The following CAPN7 variants were observed in gnomAD, a reference collection of about 807,000 sequenced individuals.
CAPN7 encodes the protein calpain-7.
CAPN7 carries 72 observed loss-of-function variants against 115.2 expected under a neutral mutation model. The ratio of observed to expected loss-of-function variants is 0.63; its 90% confidence interval spans 0.52 to 0.76. The LOEUF (loss-of-function observed/expected upper bound fraction) is 0.76. Ranked by LOEUF, CAPN7 falls within the 30% of genes least tolerant of loss-of-function variation. The pLI is 0.00. For synonymous variants in CAPN7, 344 were observed against 322.3 expected, an observed-to-expected ratio of 1.07 and a Z score of -0.72; for missense variants, 905 against 971.5, an observed-to-expected ratio of 0.93 and a Z score of 0.91.
At chr3:15,250,413 A>C (rs1433079509) in intron 19 of CAPN7, among the ~76,000 whole-genome samples, 1 of 152,098 alleles carries the variant, frequency 6.6e-6, no homozygotes, top group Non-Finnish European at 1.5e-5. Context: ...TCACACCTGT[A>C]ATCCCAGCAC....
chr3:15,247,550 T>A, intron 19 of CAPN7, 93 bp downstream of exon 19: 1 of 954,156 alleles, frequency 1.0e-6, no homozygotes, highest in Non-Finnish European at 1.5e-6. Flanking sequence ...TAAGCATATA[T>A]GGACATTGGA....
At chr3:15,250,382 AAAG>A (rs1695935035) in intron 19 of CAPN7, among the ~76,000 whole-genome samples, 2 of 151,248 alleles carry the variant, frequency 1.3e-5, no homozygotes, top group Admixed American at 6.6e-5. Flanking sequence ...CAAAAATAAA[AAAG>A]AGGTCGGGCG....
At chr3:15,249,321 C>T (rs1369403026) in intron 19 of CAPN7, among the ~76,000 whole-genome samples, 2 of 149,984 alleles carry the variant, frequency 1.3e-5, no homozygotes, top group Non-Finnish European at 2.9e-5. Flanking sequence ...ATAGAGTTGT[C>T]ATTTTTTTTA....
chr3:15,217,405 TA>T lies in CAPN7; in HGVS notation c.212-19del. ...GTATTTAGATAATACTCCTTCTGCG[TA>T]TTTTTTTTTCTATCCTAGTTCAGTC... On this transcript the variant is annotated intron_variant, in intron 2 of 20. Coordinates refer to ENST00000253693, the MANE Select transcript of CAPN7 (RefSeq NM_014296.3). The T allele has an allele frequency of 6.4e-7, 1 of 1,574,122 alleles. No homozygotes were observed.
intron 2 of CAPN7, among the ~76,000 whole-genome samples, chr3:15,214,730 TA>T (rs1191344054): frequency 6.6e-6 from 1 of 152,020 alleles, no homozygotes; most frequent in Admixed American, 6.6e-5. Flanking sequence ...AAATAAAAAG[TA>T]AAATTAACCG....
chr3:15,228,091 G>A (rs1457609997), intron 7 of CAPN7, 126 bp downstream of exon 7: 2 of 580,442 alleles, frequency 3.4e-6, no homozygotes, highest in Non-Finnish European at 5.3e-6. Context: ...TGGAAAAATT[G>A]TTCATTCTAC....
chr3:15,220,912 C>T lies in CAPN7; in HGVS notation c.569C>T (p.Ser190Leu). The change falls in exon 5 of 21, where the codon TCA (serine) becomes TTA (leucine). Residue 190 changes from serine to leucine, a missense_variant. Ser to Leu is a moderately radical substitution (Grantham distance 145). Around this residue, in one of 3 missense-constraint regions of CAPN7, gnomAD observed 271 missense variants for 239.6 expected, o/e 1.13. Coordinates refer to ENST00000253693, the MANE Select transcript of CAPN7 (RefSeq NM_014296.3). Reference protein sequence around the residue: ...GANPFLERPQSFISPQSCDAQ... With the variant: ...GANPFLERPQLFISPQSCDAQ... The stretch of plus-strand genomic sequence containing the variant: ...AATCCCTTCCTTGAAAGACCTCAGT[C>T]ATTTATAAGTCCTCAGTCATGTGAT... 1.9e-6 allele frequency: 3 copies of T among 1,614,096 alleles called. No individual in the cohort carries two copies. Among genetic ancestry groups the T allele is most frequent in the South Asian group, 2.2e-5 (2 of 91,074 alleles).
chr3:15,222,014 T>A (rs1694027538), intron 5 of CAPN7, among the ~76,000 whole-genome samples: 1 of 147,308 alleles, frequency 6.8e-6, no homozygotes, highest in African/African-American at 2.7e-5. Context: ...ACGTATATAG[T>A]ATACGTATAC....
chr3:15,215,353 C>G (rs1313557937), intron 2 of CAPN7, among the ~76,000 whole-genome samples: 1 of 152,214 alleles, frequency 6.6e-6, no homozygotes, highest in African/African-American at 2.4e-5. Context: ...GATACAATTT[C>G]CATATCATAA....
Position 15,231,831 on chromosome 3 carries a change from G to C in CAPN7, c.1033-688G>C, listed in dbSNP as rs115738392. 2.6e-3 allele frequency among the ~76,000 whole-genome samples: 397 copies of C among 152,110 alleles called. 2 individuals carry two copies. Among genetic ancestry groups the C allele is most frequent in the African/African-American group, 8.7e-3 (361 of 41,514 alleles). ...GCGTGAGCCACCGCGCCCAGCCTCA[G>C]ATCACTTTTTAATATGAATTAGATA... On this transcript the variant is annotated intron_variant, in intron 9 of 20. Coordinates refer to ENST00000253693, the MANE Select transcript of CAPN7 (RefSeq NM_014296.3).
chr3:15,222,595 A>G (rs1694067304), intron 5 of CAPN7, among the ~76,000 whole-genome samples: 1 of 152,238 alleles, frequency 6.6e-6, no homozygotes, highest in Non-Finnish European at 1.5e-5. Flanking sequence ...ATGTGCACCA[A>G]CACAGCACAA....
intron 1 of CAPN7, among the ~76,000 whole-genome samples, chr3:15,209,379 A>C (rs2044812387): frequency 6.6e-6 from 1 of 152,188 alleles, no homozygotes; most frequent in Non-Finnish European, 1.5e-5. Context: ...TTAATACATT[A>C]ATATAATTTG....
chr3:15,218,958 A>G (rs988896151), intron 4 of CAPN7, among the ~76,000 whole-genome samples: 5 of 152,234 alleles, frequency 3.3e-5, no homozygotes, highest in Admixed American at 2.6e-4. Context: ...TGAAATGTCA[A>G]CTTTTCAATG....
At chr3:15,208,289 A>AT (rs553529338) in intron 1 of CAPN7, among the ~76,000 whole-genome samples, 14,861 of 136,666 alleles carry the variant, frequency 0.11, 2,502 homozygotes, top group African/African-American at 0.36. Flanking sequence ...GGTGTACCAT[A>AT]TTTTTTTTTT....
intron 2 of CAPN7, among the ~76,000 whole-genome samples, chr3:15,213,604 A>T (rs1041001425): frequency 1.3e-5 from 2 of 152,230 alleles, no homozygotes; most frequent in Non-Finnish European, 2.9e-5. Context: ...AGTCAAGCAC[A>T]TTTATGCCCT....
intron 7 of CAPN7, 51 bp from the exon 8 acceptor site, chr3:15,228,923 T>C (rs769028207): frequency 7.4e-7 from 1 of 1,345,164 alleles, no homozygotes; most frequent in South Asian, 1.2e-5. Flanking sequence ...ATTGCGGTAA[T>C]GTTGAAATTA....
chr3:15,241,631 T>A (rs776325299), intron 15 of CAPN7, 43 bp downstream of exon 15: 6 of 1,573,478 alleles, frequency 3.8e-6, no homozygotes, highest in East Asian at 2.2e-5. Flanking sequence ...GAAATTTTTT[T>A]AATATAGTTA....
chr3:15,245,541 A>G lies in CAPN7; in HGVS notation c.1880A>G (p.Tyr627Cys). The G allele has an allele frequency of 6.2e-7, 1 of 1,613,652 alleles. No homozygotes were observed. ...TTGTTTGCAGCTGACCCACCTCCAT[A>G]CATTGATGGAATTCGAATTAACAGC... ...KVYYPADPPP[Y>C]IDGIRINSPH... The change falls in exon 17 of 21, where the codon TAC becomes TGC. Residue 627 changes from tyrosine (Y) to cysteine (C), a missense_variant. Physicochemically the swap from Tyr to Cys is radical, Grantham distance 194. Coordinates refer to ENST00000253693, the MANE Select transcript of CAPN7 (RefSeq NM_014296.3).
chr3:15,229,645 G>A (rs1371121287), intron 8 of CAPN7, among the ~76,000 whole-genome samples: 36 of 130,646 alleles, frequency 2.8e-4, no homozygotes, highest in African/African-American at 8.0e-4. Flanking sequence ...GCGTGATCTC[G>A]GCTCACCACA....
Sources: gnomAD v4.1 joint callset for allele counts (sites outside exome capture counted in the v4.1 genomes callset) on GRCh38, gnomAD v4.1.1 for gene constraint, gnomAD v4.1.1 regional missense constraint, MANE v1.5 for transcripts, NCBI Gene and HGNC (gene_info 2026-07-23, HGNC 2026-07-21) for gene names.